The following ROBO1 variants were observed in gnomAD, a reference collection of about 807,000 sequenced individuals.
The protein encoded by ROBO1 is roundabout guidance receptor 1.
ROBO1 carries 149 observed loss-of-function variants against 195.9 expected under a neutral mutation model. The ratio of observed to expected loss-of-function variants is 0.76; its 90% confidence interval spans 0.67 to 0.87. The LOEUF is 0.87. ROBO1 is among the 40% of genes least tolerant of loss of function. The pLI is 0.00. For missense variants in ROBO1, 1,933 were observed against 2,068.3 expected, an observed-to-expected ratio of 0.93 and a Z score of 1.27; for synonymous variants, 816 against 733.2, an observed-to-expected ratio of 1.11 and a Z score of -1.82.
intron 2 of ROBO1, among the ~76,000 whole-genome samples, chr3:79,456,514 T>C (rs78077380): frequency 0.034 from 5,213 of 152,234 alleles, 205 homozygotes; most frequent in African/African-American, 0.098. Context: ...AAGGAAAAGC[T>C]ATGGATCAAT....
chr3:79,532,592 C>T (rs1941703060), intron 2 of ROBO1, among the ~76,000 whole-genome samples: 2 of 151,680 alleles, frequency 1.3e-5, no homozygotes, highest in Admixed American at 6.6e-5. Flanking sequence ...GAGCAACAGG[C>T]AACACATATT....
Position 78,687,715 on chromosome 3 carries a change from C to T in ROBO1, c.1170+933G>A, listed in dbSNP as rs1437068186. 3.9e-5 allele frequency among the ~76,000 whole-genome samples: 6 copies of T among 152,146 alleles called. No individual in the cohort carries two copies. In the South Asian group the frequency reaches 1.0e-3, roughly 26 times the overall value. ...TCAGAGGTCTCTGCAGTCTCTACCT[C>T]GTGGGCTCAAGTGATCCTCCTGCCC... On this transcript the variant is annotated intron_variant, in intron 9 of 30. Coordinates refer to ENST00000464233, the MANE Select transcript of ROBO1 (RefSeq NM_002941.4).
intron 3 of ROBO1, among the ~76,000 whole-genome samples, chr3:79,000,187 C>T (rs2077465809): frequency 6.6e-6 from 1 of 152,074 alleles, no homozygotes; most frequent in African/African-American, 2.4e-5. Context: ...GCAAATACAT[C>T]CTTCACATGG....
chr3:79,568,771 C>A (rs1943174583), intron 2 of ROBO1, among the ~76,000 whole-genome samples: 1 of 151,762 alleles, frequency 6.6e-6, no homozygotes, highest in African/African-American at 2.4e-5. Context: ...AAAGGCAAAC[C>A]CCAAACAGTC....
rs575952328 is a variant in ROBO1 at position 79,158,664 on chromosome 3, C to T, written c.89-33125G>A. Among the ~76,000 whole-genome samples, 51 of 151,802 alleles carry T rather than the reference C, an allele frequency of 3.4e-4. 1 individual carries two copies. The highest frequency in any genetic ancestry group is 1.2e-3 in the African/African-American group (48 of 41,450). ...GCTTAATTTTTTTCAAGATAATAAA[C>T]ACCTGTCCCAACATTATGTGACATA... is the stretch of plus-strand genomic sequence containing the variant. On this transcript the variant is annotated intron_variant, in intron 2 of 30. Transcript: ENST00000464233.
intron 1 of ROBO1, among the ~76,000 whole-genome samples, chr3:79,632,130 T>TA (rs1945363569): frequency 1.3e-5 from 2 of 152,128 alleles, no homozygotes; most frequent in African/African-American, 4.8e-5. Flanking sequence ...CACTACTGAG[T>TA]ATCTACCCAA....
intron 1 of ROBO1, among the ~76,000 whole-genome samples, chr3:79,710,799 A>G (rs918697673): frequency 6.6e-6 from 1 of 152,172 alleles, no homozygotes; most frequent in South Asian, 2.1e-4. Context: ...GATATTTGGT[A>G]TAGAGGTGAA....
chr3:79,759,114 A>T (rs1704561051), intron 1 of ROBO1, among the ~76,000 whole-genome samples: 1 of 152,194 alleles, frequency 6.6e-6, no homozygotes, highest in Admixed American at 6.5e-5. Flanking sequence ...AGCACAAAGC[A>T]TGCTTGTTTA....
At chr3:79,054,676 C>A (rs2078769375) in intron 3 of ROBO1, among the ~76,000 whole-genome samples, 1 of 152,108 alleles carries the variant, frequency 6.6e-6, no homozygotes, top group South Asian at 2.1e-4. Context: ...AGCGGCCAAG[C>A]TGGCTCAGCA....
chr3:78,808,019 C>T (rs1414239627), intron 4 of ROBO1, among the ~76,000 whole-genome samples: 1 of 152,150 alleles, frequency 6.6e-6, no homozygotes, highest in South Asian at 2.1e-4. Flanking sequence ...AAAACTGAAA[C>T]TTGTCCATTT....
At chr3:79,567,434 T>C (rs563225840) in intron 2 of ROBO1, among the ~76,000 whole-genome samples, 6 of 152,324 alleles carry the variant, frequency 3.9e-5, no homozygotes, top group Admixed American at 3.9e-4. Context: ...CATGTACATT[T>C]TGTTAAAGGC....
At chr3:78,781,051 G>T (rs1355447481) in intron 4 of ROBO1, among the ~76,000 whole-genome samples, 1 of 152,028 alleles carries the variant, frequency 6.6e-6, no homozygotes, top group East Asian at 1.9e-4. Flanking sequence ...TAAACACTTG[G>T]ATACCTCATA....
chr3:79,161,604 G>T (rs1375107116), intron 2 of ROBO1, among the ~76,000 whole-genome samples: 1 of 152,068 alleles, frequency 6.6e-6, no homozygotes, highest in African/African-American at 2.4e-5. Flanking sequence ...ACAAGCTATA[G>T]AAAAAGTTGA....
intron 1 of ROBO1, among the ~76,000 whole-genome samples, chr3:79,719,773 G>T (rs567541441): frequency 6.6e-6 from 1 of 152,048 alleles, no homozygotes; most frequent in Non-Finnish European, 1.5e-5. Context: ...AGTGCTCAAT[G>T]AATTTATATT....
chr3:78,673,732 T>G (rs866710602), intron 10 of ROBO1, among the ~76,000 whole-genome samples: 13 of 150,156 alleles, frequency 8.7e-5, no homozygotes, highest in Non-Finnish European at 1.6e-4. Context: ...ACCTCAAAAA[T>G]AGCGATCATG....
At chr3:79,335,734 G>T (rs1375638704) in intron 2 of ROBO1, among the ~76,000 whole-genome samples, 1 of 152,182 alleles carries the variant, frequency 6.6e-6, no homozygotes, top group Non-Finnish European at 1.5e-5. Flanking sequence ...CTGCTATAAA[G>T]ATACCTGAAA....
chr3:79,354,751 G>C (rs1191523819), intron 2 of ROBO1, among the ~76,000 whole-genome samples: 2 of 152,136 alleles, frequency 1.3e-5, no homozygotes, highest in Non-Finnish European at 2.9e-5. Flanking sequence ...CTTTGCAACA[G>C]AGTGGAATTA....
chr3:78,858,346 A>C (rs1368806292), intron 4 of ROBO1, among the ~76,000 whole-genome samples: 1 of 152,084 alleles, frequency 6.6e-6, no homozygotes, highest in Admixed American at 6.5e-5. Flanking sequence ...GTTGATGATG[A>C]ACTATGCTGT....
intron 4 of ROBO1, among the ~76,000 whole-genome samples, chr3:78,832,700 T>A (rs1190306594): frequency 2.0e-5 from 3 of 152,122 alleles, no homozygotes; most frequent in Non-Finnish European, 2.9e-5. Context: ...AAGAGTGATA[T>A]CTAACGAGGT....
Sources: allele counts gnomAD v4.1 joint callset (sites outside exome capture counted in the v4.1 genomes callset), GRCh38; gene constraint gnomAD v4.1.1; transcripts MANE v1.5; gene names NCBI Gene and HGNC (gene_info 2026-07-23, HGNC 2026-07-21).